The following LY6K variants were observed in gnomAD, a reference collection of about 807,000 sequenced individuals.
The protein encoded by LY6K is lymphocyte antigen 6K.
Under a neutral mutation model 10.4 loss-of-function variants are expected in LY6K, and 9 were observed. The ratio of observed to expected loss-of-function variants is 0.87; its 90% CI spans 0.52 to 1.52. LY6K has a LOEUF of 1.52. Among genes scored for constraint, LY6K ranks in the 40% most tolerant of loss-of-function variants. LY6K has a pLI of 0.00. For missense variants in LY6K, 217 were observed against 211.7 expected, an observed-to-expected ratio of 1.02 and a Z score of -0.15; for synonymous variants, 98 against 83.7, an observed-to-expected ratio of 1.17 and a Z score of -0.94.
At position 142,703,166 on chromosome 8, in the gene LY6K, A is replaced by G; in HGVS notation, c.293A>G (p.Glu98Gly). Residue 98 changes from glutamate (E) to glycine (G), a missense_variant, in exon 3 of 3, where the codon GAG (glutamate) becomes GGG (glycine). Glu to Gly is a moderately conservative substitution (Grantham distance 98). Coordinates refer to ENST00000292430, the MANE Select transcript of LY6K (RefSeq NM_017527.4). ...GCAGCGATGGAGAGACCCAAGCCAG[A>G]GGAGAAGCGGTTTCTCCTGGAAGAG... Reference protein sequence around the residue: ...GCAAMERPKPEEKRFLLEEPM... With the variant: ...GCAAMERPKPGEKRFLLEEPM... 6.2e-7 allele frequency: 1 copy of G among 1,614,232 alleles called. No individual in the cohort carries two copies. The highest frequency in any genetic ancestry group is 8.5e-7 in the Non-Finnish European group (1 of 1,180,036).
chr8:142,701,108 C>T (rs2129922295), intron 1 of LY6K, among the ~76,000 whole-genome samples: 1 of 151,902 alleles, frequency 6.6e-6, no homozygotes, highest in South Asian at 2.1e-4. Context: ...CCACAGCCGT[C>T]GGCCGGGAGA....
At chr8:142,701,393 G>A (rs782164511) in intron 1 of LY6K, among the ~76,000 whole-genome samples, 1 of 152,312 alleles carries the variant, frequency 6.6e-6, no homozygotes, top group Non-Finnish European at 1.5e-5. Flanking sequence ...GGGGGAAGGC[G>A]AAGGGGAAGC....
In LY6K at chr8:142,700,429, C is replaced by T. The variant is rs1462663356; in HGVS notation, c.-99C>T. On this transcript the variant is annotated 5_prime_UTR_variant, in exon 1 of 3. Coordinates refer to ENST00000292430, the MANE Select transcript of LY6K (RefSeq NM_017527.4). Reference sequence around the variant, plus strand: ...CCGGGGCGGGCGGGGCTCCCCCTACCGGCCAGACCCGGGGAGAGGCGCGCG... The same window carrying T: ...CCGGGGCGGGCGGGGCTCCCCCTACTGGCCAGACCCGGGGAGAGGCGCGCG... 5.0e-6 allele frequency: 7 copies of T among 1,403,434 alleles called. No homozygotes were observed. Among genetic ancestry groups the T allele is most frequent in the African/African-American group, 1.5e-5 (1 of 66,438 alleles). 86.9% of individuals were successfully genotyped at this position (1,403,434 alleles called of 1,614,324 possible).
chr8:142,703,835 C>G lies in LY6K; in HGVS notation c.*464C>G, dbSNP rs587622033. On this transcript the variant is annotated 3_prime_UTR_variant, in exon 3 of 3. Transcript: ENST00000292430. ...GTGAAGGACTCCTCAGCATGGGGGG[C>G]AGTGGGGCACACGTTAGGGCTGCCC... 5.6e-4 allele frequency: 90 copies of G among 161,536 alleles called. 1 individual carries two copies. The South Asian group carries it at 7.5e-3, about 13-fold the overall frequency. 10.0% of individuals were successfully genotyped at this position (161,536 alleles called of 1,614,324 possible). A position where few individuals can be genotyped will look rare whatever the true frequency, so the allele number is the denominator to read the frequency against.
intron 1 of LY6K, among the ~76,000 whole-genome samples, chr8:142,701,222 G>T (rs898758188): frequency 2.0e-5 from 3 of 152,208 alleles, no homozygotes; most frequent in Non-Finnish European, 4.4e-5. Context: ...GTGGGAGGAC[G>T]GGGGAGCCCC....
In LY6K at chr8:142,700,519, C is replaced by G; in HGVS notation, c.-9C>G. ...GCGCGCTGACCCTCCCTGGGCACCGCTGGGGACGATGGCGCTGCTCGCCTT... is the reference window on the plus strand; with the variant it reads ...GCGCGCTGACCCTCCCTGGGCACCGGTGGGGACGATGGCGCTGCTCGCCTT... On this transcript the variant is annotated 5_prime_UTR_variant, in exon 1 of 3. Transcript: ENST00000292430. 2 of 1,573,304 alleles carry G rather than the reference C, an allele frequency of 1.3e-6. No homozygotes were observed. The highest frequency in any genetic ancestry group is 1.7e-6 in the Non-Finnish European group (2 of 1,162,264).
Position 142,703,382 on chromosome 8 carries a change from T to G in LY6K, c.*11T>G. 2 of 1,601,852 alleles carry G rather than the reference T, an allele frequency of 1.2e-6. No individual in the cohort carries two copies. Among genetic ancestry groups the G allele is most frequent in the Non-Finnish European group, 1.7e-6 (2 of 1,173,854 alleles). On this transcript the variant is annotated 3_prime_UTR_variant, in exon 3 of 3. Coordinates refer to ENST00000292430, the MANE Select transcript of LY6K (RefSeq NM_017527.4). The stretch of plus-strand genomic sequence containing the variant: ...CTCAGCCTGTCTTGAGCCACGGGAC[T>G]GCCACAGACTGAGCCTTCCGGAGCA...
At position 142,700,400 on chromosome 8, in the gene LY6K, C is replaced by T. The variant is rs922768717; in HGVS notation, c.-128C>T. Reference sequence around the variant, plus strand: ...CAGGCCCCGGCGGGTGGGAGGCGCGCGCCCCGGGGCGGGCGGGGCTCCCCC... The same window carrying T: ...CAGGCCCCGGCGGGTGGGAGGCGCGTGCCCCGGGGCGGGCGGGGCTCCCCC... On this transcript the variant is annotated 5_prime_UTR_variant, in exon 1 of 3. Transcript: ENST00000292430. 3.2e-5 allele frequency: 43 copies of T among 1,347,284 alleles called. No homozygotes were observed. Among genetic ancestry groups the T allele is most frequent in the Admixed American group, 4.1e-5 (1 of 24,308 alleles). The allele number at this position is 1,347,284 out of a possible 1,614,324, so 83.5% of individuals were successfully genotyped here.
rs781958029 is a variant in LY6K, at chr8:142,703,417, T to C, written c.*46T>C. ...TGAGCCTTCCGGAGCATGGACTCGCTCCAGACCGTTGTCACCTGTTGCATT... is the reference window on the plus strand; with the variant it reads ...TGAGCCTTCCGGAGCATGGACTCGCCCCAGACCGTTGTCACCTGTTGCATT... On this transcript the variant is annotated 3_prime_UTR_variant, in exon 3 of 3. Coordinates refer to ENST00000292430, the MANE Select transcript of LY6K (RefSeq NM_017527.4). 22 of 1,567,798 alleles carry C rather than the reference T, an allele frequency of 1.4e-5. No homozygotes were observed. The highest frequency in any genetic ancestry group is 1.8e-5 in the Non-Finnish European group (21 of 1,159,466).
At chr8:142,702,574 G>T (rs782646003) in intron 2 of LY6K, 63 of 1,535,592 alleles carry the variant, frequency 4.1e-5, no homozygotes, top group Non-Finnish European at 4.9e-5. Flanking sequence ...CACGAAGTTG[G>T]TGGGGTGCTG....
In LY6K at chr8:142,700,384, G is replaced by A. The variant is rs782375478; in HGVS notation, c.-144G>A. On this transcript the variant is annotated 5_prime_UTR_variant, in exon 1 of 3. Coordinates refer to ENST00000292430, the MANE Select transcript of LY6K (RefSeq NM_017527.4). ...GCTCCAAAGACCCCGACAGGCCCCG[G>A]CGGGTGGGAGGCGCGCGCCCCGGGG... The A allele has an allele frequency of 2.2e-6, 3 of 1,343,918 alleles. No homozygotes were observed. Among genetic ancestry groups the A allele is most frequent in the Non-Finnish European group, 2.9e-6 (3 of 1,051,988 alleles). 83.2% of individuals were successfully genotyped at this position (1,343,918 alleles called of 1,614,324 possible).
Position 142,700,430 on chromosome 8 carries a change from G to C in LY6K, c.-98G>C, listed in dbSNP as rs1554639892. On this transcript the variant is annotated 5_prime_UTR_variant, in exon 1 of 3. Transcript: ENST00000292430. Reference sequence around the variant, plus strand: ...CGGGGCGGGCGGGGCTCCCCCTACCGGCCAGACCCGGGGAGAGGCGCGCGG... The same window carrying C: ...CGGGGCGGGCGGGGCTCCCCCTACCCGCCAGACCCGGGGAGAGGCGCGCGG... 1 of 1,421,094 alleles carries C rather than the reference G, an allele frequency of 7.0e-7. No individual in the cohort carries two copies. The allele number at this position is 1,421,094 out of a possible 1,614,324, so 88.0% of individuals were successfully genotyped here.
At chr8:142,702,468 G>A in intron 2 of LY6K, 2 of 1,534,342 alleles carry the variant, frequency 1.3e-6, no homozygotes, top group South Asian at 2.4e-5. Context: ...TCCCCAAGGG[G>A]AATCTGGACA....
chr8:142,703,114 G>A lies in LY6K; in HGVS notation c.241G>A (p.Val81Ile), dbSNP rs1815107097. Residue 81 changes from valine (V) to isoleucine (I), a missense_variant, in exon 3 of 3, where the codon GTT becomes ATT. Physicochemically the swap from Val to Ile is conservative, Grantham distance 29 (BLOSUM62 3). Coordinates refer to ENST00000292430, the MANE Select transcript of LY6K (RefSeq NM_017527.4). ...AGAAATATTTCCACGTTTTTTCATG[G>A]TTGCGAAGCAGTGCTCCGCTGGTTG... ...AVKIFPRFFM[V>I]AKQCSAGCAA... 1 of 1,613,346 alleles carries A rather than the reference G, an allele frequency of 6.2e-7. No individual in the cohort carries two copies. The highest frequency in any genetic ancestry group is 8.5e-7 in the Non-Finnish European group (1 of 1,179,726).
chr8:142,701,423 G>A (rs1047378625), intron 1 of LY6K, among the ~76,000 whole-genome samples, 177 bp from the exon 2 acceptor site: 1 of 152,170 alleles, frequency 6.6e-6, no homozygotes, highest in Non-Finnish European at 1.5e-5. Context: ...TTACGTGGCC[G>A]GAGACCCCTC....
chr8:142,702,705 C>T (rs1286081542), intron 2 of LY6K: 56 of 1,498,758 alleles, frequency 3.7e-5, no homozygotes, highest in Non-Finnish European at 4.6e-5. Flanking sequence ...AGCTCAGAGT[C>T]GAGCCAGGCC....
At chr8:142,701,935 G>C in intron 2 of LY6K, 1 of 475,974 alleles carries the variant, frequency 2.1e-6, no homozygotes, top group South Asian at 2.3e-5. Context: ...TCAGCCTCCA[G>C]AGTAGCTGGT....
chr8:142,703,161 G>A lies in LY6K; in HGVS notation c.288G>A (p.Lys96=), dbSNP rs144176918. 5.6e-6 allele frequency: 9 copies of A among 1,614,114 alleles called. No individual in the cohort carries two copies. The African/African-American group carries it at 1.1e-4, about 19-fold the overall frequency. Residue 96 remains lysine, a synonymous_variant, in exon 3 of 3, where the codon AAG becomes AAA. Transcript: ENST00000292430. The part of the protein sequence containing the change: ...SAGCAAMERP[K]PEEKRFLLEE... ...GTTGTGCAGCGATGGAGAGACCCAA[G>A]CCAGAGGAGAAGCGGTTTCTCCTGG...
chr8:142,701,520 C>A, intron 1 of LY6K, 80 bp from the exon 2 acceptor site: 1 of 932,712 alleles, frequency 1.1e-6, no homozygotes. Context: ...CGAGTTTGTG[C>A]TGGTCGGATG....
Sources: allele counts gnomAD v4.1 joint callset (sites outside exome capture counted in the v4.1 genomes callset), GRCh38; gene constraint gnomAD v4.1.1; transcripts MANE v1.5; gene names NCBI Gene and HGNC (gene_info 2026-07-23, HGNC 2026-07-21).